Variants in CACNA2D3 observed in about 807,000 individuals in gnomAD.
CACNA2D3 encodes calcium voltage-gated channel auxiliary subunit alpha2delta 3, also known as voltage-dependent calcium channel subunit alpha-2/delta-3.
In CACNA2D3, 60 loss-of-function variants were observed where a neutral mutation model predicts 160.6. That is an observed-to-expected ratio of 0.37 (90% CI 0.30 to 0.46). The LOEUF (loss-of-function observed/expected upper bound fraction) is 0.46. CACNA2D3 is among the 20% of genes least tolerant of loss of function. The pLI is 1.00. For synonymous variants in CACNA2D3, 558 were observed against 492.9 expected (o/e 1.13, Z -1.75); for missense variants, 1,205 against 1,365.0 (o/e 0.88, Z 1.85).
chr3:54,464,765 C>T (rs554261216), intron 4 of CACNA2D3, among the ~76,000 whole-genome samples: 53 of 152,356 alleles, frequency 3.5e-4, no homozygotes, highest in African/African-American at 1.1e-3. Context: ...GGCTAGCGCA[C>T]GGTGCGCTGC....
rs145624470 is a variant in CACNA2D3 at position 54,130,536 on chromosome 3, G to A, written c.204+6942G>A. On this transcript the variant is annotated intron_variant, in intron 2 of 37. Coordinates refer to ENST00000474759, the MANE Select transcript of CACNA2D3 (RefSeq NM_018398.3). The stretch of plus-strand genomic sequence containing the variant: ...TTCTGCATTCCAGGTACTGTGATAA[G>A]CCCTTTACTTATGACATCCCATTAA... 1.7e-4 allele frequency among the ~76,000 whole-genome samples: 26 copies of A among 152,200 alleles called. No homozygotes were observed. In the East Asian group the frequency reaches 4.8e-3, roughly 28 times the overall value.
chr3:54,936,929 G>T (rs1000187815), intron 27 of CACNA2D3, among the ~76,000 whole-genome samples: 1 of 152,096 alleles, frequency 6.6e-6, no homozygotes, highest in African/African-American at 2.4e-5. Context: ...TCACTGCTAC[G>T]GCTGATGTTT....
intron 3 of CACNA2D3, among the ~76,000 whole-genome samples, chr3:54,369,309 A>G (rs1214679361): frequency 1.3e-5 from 2 of 152,002 alleles, no homozygotes; most frequent in Admixed American, 1.3e-4. Context: ...AACTAAGTTC[A>G]TTTTGCTGGT....
At chr3:54,615,579 CTCAT>C (rs1240516864) in intron 9 of CACNA2D3, among the ~76,000 whole-genome samples, 2 of 152,162 alleles carry the variant, frequency 1.3e-5, no homozygotes, top group African/African-American at 4.8e-5. Flanking sequence ...AACATGAATC[CTCAT>C]TCAAACTGTG....
chr3:54,567,924 T>G (rs1006171186), intron 6 of CACNA2D3, among the ~76,000 whole-genome samples: 1 of 152,216 alleles, frequency 6.6e-6, no homozygotes, highest in African/African-American at 2.4e-5. Flanking sequence ...AGATGCCCTT[T>G]CCTGAAGTGG....
chr3:54,139,073 C>T (rs35822278), intron 2 of CACNA2D3, among the ~76,000 whole-genome samples: 3 of 152,050 alleles, frequency 2.0e-5, no homozygotes, highest in Non-Finnish European at 4.4e-5. Flanking sequence ...TGGGGCAGCT[C>T]GCTGCTTCTC....
intron 9 of CACNA2D3, among the ~76,000 whole-genome samples, chr3:54,604,797 G>A (rs1703135277): frequency 1.3e-5 from 2 of 152,258 alleles, no homozygotes; most frequent in South Asian, 2.1e-4. Context: ...CTCCACGCAA[G>A]AGACAGAGTG....
chr3:54,243,809 C>T (rs571371314), intron 2 of CACNA2D3, among the ~76,000 whole-genome samples: 3 of 152,322 alleles, frequency 2.0e-5, no homozygotes, highest in South Asian at 2.1e-4. Context: ...AGACAAGCCA[C>T]GGATCCCTCT....
chr3:54,538,257 G>C (rs1701919001), intron 5 of CACNA2D3, among the ~76,000 whole-genome samples: 1 of 152,140 alleles, frequency 6.6e-6, no homozygotes, highest in Admixed American at 6.5e-5. Flanking sequence ...AAATTGATGT[G>C]GACATTAATC....
intron 2 of CACNA2D3, among the ~76,000 whole-genome samples, chr3:54,255,759 T>A (rs1702280473): frequency 6.6e-6 from 1 of 152,210 alleles, no homozygotes; most frequent in Admixed American, 6.5e-5. Flanking sequence ...TGTTGTTTAC[T>A]CTACCTAAGA....
intron 2 of CACNA2D3, among the ~76,000 whole-genome samples, chr3:54,216,574 A>G (rs1340989970): frequency 2.6e-5 from 4 of 152,250 alleles, no homozygotes; most frequent in African/African-American, 7.2e-5. Context: ...TTTTAAACTA[A>G]TTAGATGAGG....
chr3:54,335,860 C>G (rs1704364374), intron 3 of CACNA2D3, among the ~76,000 whole-genome samples: 2 of 149,662 alleles, frequency 1.3e-5, no homozygotes, highest in Non-Finnish European at 3.0e-5. Flanking sequence ...AAAAATTAAC[C>G]AGCTGTGGTG....
intron 9 of CACNA2D3, among the ~76,000 whole-genome samples, chr3:54,624,985 T>A (rs1699065251): frequency 6.6e-6 from 1 of 152,244 alleles, no homozygotes; most frequent in South Asian, 2.1e-4. Context: ...TTGGACTCGG[T>A]TAATTGCCTG....
intron 11 of CACNA2D3, among the ~76,000 whole-genome samples, chr3:54,710,890 C>T (rs1397995712): frequency 2.6e-5 from 4 of 152,170 alleles, no homozygotes; most frequent in Non-Finnish European, 4.4e-5. Flanking sequence ...TCCTTACCTA[C>T]AATTGAAAAT....
rs551498760 is a variant in CACNA2D3, at chr3:54,400,324, G to A, written c.381+13550G>A. Among the ~76,000 whole-genome samples the A allele has an allele frequency of 9.9e-5, 15 of 151,984 alleles. No homozygotes were observed. The South Asian group carries it at 1.5e-3, about 15-fold the overall frequency. ...CCTATTCGGCCATCTTGGCTCCTCC[G>A]AGAGTGAACCTTCACCTTAGAACTC... On this transcript the variant is annotated intron_variant, in intron 4 of 37. Transcript: ENST00000474759.
At chr3:54,785,249 A>G (rs1702613922) in intron 13 of CACNA2D3, among the ~76,000 whole-genome samples, 2 of 152,356 alleles carry the variant, frequency 1.3e-5, no homozygotes, top group East Asian at 3.9e-4. Context: ...AAAAAGGGTC[A>G]GAAGATGTCC....
chr3:54,476,744 A>G (rs1455092954), intron 4 of CACNA2D3, among the ~76,000 whole-genome samples: 1 of 152,092 alleles, frequency 6.6e-6, no homozygotes, highest in East Asian at 1.9e-4. Flanking sequence ...GCCCATTTTT[A>G]AACTAGGTTG....
intron 35 of CACNA2D3, among the ~76,000 whole-genome samples, chr3:55,071,952 G>GCTAT (rs1318144076): frequency 2.6e-5 from 4 of 152,202 alleles, no homozygotes; most frequent in Admixed American, 1.3e-4. Context: ...ATGAGAGCTA[G>GCTAT]CTATCTCAGG....
intron 5 of CACNA2D3, among the ~76,000 whole-genome samples, chr3:54,521,426 A>G (rs1701644717): frequency 7.5e-6 from 1 of 133,472 alleles, no homozygotes; most frequent in African/African-American, 2.8e-5. Context: ...AGAATTTTTT[A>G]TGTATTCCAG....
Sources: allele counts gnomAD v4.1 joint callset (sites outside exome capture counted in the v4.1 genomes callset), GRCh38; gene constraint gnomAD v4.1.1; transcripts MANE v1.5; gene names NCBI Gene and HGNC (gene_info 2026-07-23, HGNC 2026-07-21).